CMTR1: variants seen among roughly 807,000 people sequenced by gnomAD.
The protein encoded by CMTR1 is cap methyltransferase 1.
A neutral mutation model predicts 107.0 loss-of-function variants in CMTR1; 39 were observed. The ratio of observed to expected loss-of-function variants is 0.36; its 90% CI spans 0.28 to 0.48. The LOEUF is 0.48. Ranked by LOEUF, CMTR1 falls within the 20% of genes least tolerant of loss-of-function variation. The probability of loss-of-function intolerance (pLI) is 0.99; values close to 1 mark genes in which losing one functional copy is unlikely to be tolerated. For missense variants in CMTR1, 672 were observed against 1,064.9 expected (o/e 0.63, Z 5.14); for synonymous variants, 366 against 379.5 (o/e 0.96, Z 0.41).
intron 13 of CMTR1, among the ~76,000 whole-genome samples, chr6:37,466,288 T>A (rs1027941177): frequency 6.6e-6 from 1 of 151,862 alleles, no homozygotes; most frequent in Non-Finnish European, 1.5e-5. Flanking sequence ...AATTTTTGTA[T>A]TTTTGGTAGA....
chr6:37,462,255 T>C (rs560296487), intron 12 of CMTR1, among the ~76,000 whole-genome samples, 153 bp downstream of exon 12: 40 of 152,330 alleles, frequency 2.6e-4, no homozygotes, highest in African/African-American at 9.1e-4. Flanking sequence ...GATTCCTGGA[T>C]CTTTTGGTCT....
intron 13 of CMTR1, among the ~76,000 whole-genome samples, chr6:37,468,572 C>T (rs1158318783): frequency 6.6e-6 from 1 of 152,144 alleles, no homozygotes; most frequent in Non-Finnish European, 1.5e-5. Flanking sequence ...AGACTAATTC[C>T]CTGCTTTTGT....
chr6:37,441,923 C>T (rs1019564198), intron 2 of CMTR1, among the ~76,000 whole-genome samples: 2 of 152,140 alleles, frequency 1.3e-5, no homozygotes, highest in Admixed American at 1.3e-4. Flanking sequence ...ATTGGACAGC[C>T]ACCATAAAGG....
At chr6:37,433,635 A>G (rs1771448481) in intron 1 of CMTR1, among the ~76,000 whole-genome samples, 1 of 152,118 alleles carries the variant, frequency 6.6e-6, no homozygotes. Context: ...GAGACATGGG[A>G]GCTTATCTCT....
intron 16 of CMTR1, 51 bp from the exon 17 acceptor site, chr6:37,473,419 T>A: frequency 1.3e-6 from 2 of 1,589,314 alleles, no homozygotes; most frequent in Non-Finnish European, 1.7e-6. Flanking sequence ...TAGGCACCCA[T>A]ACTGTCCCTT....
chr6:37,446,292 C>T lies in CMTR1; in HGVS notation c.287C>T (p.Ala96Val). 6.2e-7 allele frequency: 1 copy of T among 1,613,546 alleles called. No homozygotes were observed. The highest frequency in any genetic ancestry group is 8.5e-7 in the Non-Finnish European group (1 of 1,179,814). Residue 96 changes from alanine (A) to valine (V), a missense_variant and splice_region_variant, in exon 4 of 24, where the codon GCC (alanine) becomes GTC (valine). Coordinates refer to ENST00000373451, the MANE Select transcript of CMTR1 (RefSeq NM_015050.3). ...MYNSVSQKLM[A>V]KMGFREGEGL... ...TGCTCCACTACTTCTCTTTTTCAGG[C>T]CAAGATGGGCTTCAGGGAAGGTGAA...
chr6:37,475,978 T>C, intron 19 of CMTR1, 148 bp from the exon 20 acceptor site: 1 of 723,990 alleles, frequency 1.4e-6, no homozygotes, highest in Non-Finnish European at 2.4e-6. Flanking sequence ...AGGGCGGGCT[T>C]CCTGGGGGAC....
chr6:37,454,837 C>T (rs1449021657), intron 8 of CMTR1, among the ~76,000 whole-genome samples: 2 of 152,066 alleles, frequency 1.3e-5, no homozygotes, highest in Non-Finnish European at 1.5e-5. Flanking sequence ...TTTTCATTTC[C>T]GTTTTCCCCT....
chr6:37,444,212 T>G, intron 3 of CMTR1, 62 bp downstream of exon 3: 22 of 1,563,146 alleles, frequency 1.4e-5, no homozygotes, highest in Non-Finnish European at 1.9e-5. Context: ...AAGGGCAATT[T>G]GTATTTGTAT....
intron 23 of CMTR1, among the ~76,000 whole-genome samples, 179 bp downstream of exon 23, chr6:37,479,434 A>T (rs1220064149): frequency 1.3e-5 from 2 of 152,222 alleles, no homozygotes; most frequent in Non-Finnish European, 2.9e-5. Flanking sequence ...GTGTGGCTGG[A>T]CCTGGGTAGA....
chr6:37,462,186 T>A, intron 12 of CMTR1, 84 bp downstream of exon 12: 4 of 1,497,634 alleles, frequency 2.7e-6, no homozygotes, highest in Non-Finnish European at 3.7e-6. Context: ...TGGCATGACC[T>A]CTTAAGCTAC....
intron 2 of CMTR1, among the ~76,000 whole-genome samples, chr6:37,436,932 A>T (rs1042456961): frequency 6.6e-6 from 1 of 152,208 alleles, no homozygotes; most frequent in Admixed American, 6.5e-5. Flanking sequence ...TGAAGGTAGT[A>T]GGAAATACAG....
chr6:37,452,652 G>T (rs1761205217), intron 6 of CMTR1, among the ~76,000 whole-genome samples: 1 of 152,124 alleles, frequency 6.6e-6, no homozygotes, highest in Non-Finnish European at 1.5e-5. Flanking sequence ...TTGTTTATTT[G>T]TTTCTCCTCT....
chr6:37,432,993 G>A (rs1443323418), upstream of CMTR1, among the ~76,000 whole-genome samples: 1 of 152,262 alleles, frequency 6.6e-6, no homozygotes, highest in Non-Finnish European at 1.5e-5. Flanking sequence ...AGGGCACCTA[G>A]CACTTACAAT....
chr6:37,481,341 TC>T lies in CMTR1; in HGVS notation c.*1199del. 1.7e-6 allele frequency: 2 copies of T among 1,195,292 alleles called. No individual in the cohort carries two copies. The highest frequency in any genetic ancestry group is 3.2e-5 in the African/African-American group (2 of 62,674). 74.0% of individuals were successfully genotyped at this position (1,195,292 alleles called of 1,614,324 possible). ...TTCCATGGAGATAGGGCACTGAGGC[TC>T]CCGTGAGGTTGGAATCGACTTCACC... On this transcript the variant is annotated 3_prime_UTR_variant, in exon 24 of 24. Coordinates refer to ENST00000373451, the MANE Select transcript of CMTR1 (RefSeq NM_015050.3).
intron 8 of CMTR1, among the ~76,000 whole-genome samples, chr6:37,453,706 T>G (rs1465483142): frequency 6.6e-6 from 1 of 152,160 alleles, no homozygotes; most frequent in East Asian, 1.9e-4. Context: ...ATTGATCTAT[T>G]TAAAATCAGT....
intron 19 of CMTR1, chr6:37,475,682 A>C: frequency 1.8e-6 from 1 of 549,816 alleles, no homozygotes; most frequent in Non-Finnish European, 3.3e-6. Context: ...ATTTATGTTA[A>C]GGTTGAGCAA....
intron 4 of CMTR1, among the ~76,000 whole-genome samples, chr6:37,449,533 G>A (rs1003373762): frequency 2.0e-5 from 3 of 151,928 alleles, no homozygotes; most frequent in Non-Finnish European, 2.9e-5. Context: ...GGTCTTGAAC[G>A]CCTGACCTCA....
upstream of CMTR1, among the ~76,000 whole-genome samples, chr6:37,431,378 T>C (rs1003579907): frequency 1.3e-5 from 2 of 152,200 alleles, no homozygotes; most frequent in South Asian, 4.1e-4. Flanking sequence ...CTTTAGAACA[T>C]AGAGAACTAG....
Sources: gnomAD v4.1 joint callset for allele counts (sites outside exome capture counted in the v4.1 genomes callset) on GRCh38, gnomAD v4.1.1 for gene constraint, MANE v1.5 for transcripts, NCBI Gene and HGNC (gene_info 2026-07-23, HGNC 2026-07-21) for gene names.